Variants in CRB1 observed in about 807,000 individuals in gnomAD.
The protein encoded by CRB1 is crumbs cell polarity complex component 1.
CRB1 carries 83 observed loss-of-function variants against 120.0 expected under a neutral mutation model. The ratio of observed to expected loss-of-function variants is 0.69; its 90% confidence interval spans 0.58 to 0.83. The LOEUF (loss-of-function observed/expected upper bound fraction) is 0.83. Among genes scored for constraint, CRB1 ranks in the 40% least tolerant of loss-of-function variants. The pLI is 0.00. For missense variants in CRB1, 1,699 were observed against 1,687.6 expected (o/e 1.01, Z -0.12); for synonymous variants, 625 against 612.5 (o/e 1.02, Z -0.30).
intron 11 of CRB1, among the ~76,000 whole-genome samples, chr1:197,470,073 T>G (rs542894117): frequency 8.5e-5 from 13 of 152,310 alleles, no homozygotes; most frequent in Non-Finnish European, 5.9e-5. Context: ...AGAAGCTCTG[T>G]GTTGATAAAG....
At chr1:197,346,694 A>G (rs1188240698) in intron 3 of CRB1, among the ~76,000 whole-genome samples, 1 of 152,214 alleles carries the variant, frequency 6.6e-6, no homozygotes, top group Non-Finnish European at 1.5e-5. Context: ...TCTTAATAAA[A>G]TCAACAACTT....
chr1:197,446,265 G>T (rs2125520952), intron 11 of CRB1, among the ~76,000 whole-genome samples: 1 of 152,238 alleles, frequency 6.6e-6, no homozygotes, highest in African/African-American at 2.4e-5. Context: ...CTGTAAGGGA[G>T]CATATAAGAG....
the CRB1 span, among the ~76,000 whole-genome samples, chr1:197,223,736 G>T: frequency 6.6e-6 from 1 of 152,082 alleles, no homozygotes; most frequent in Non-Finnish European, 1.5e-5. Flanking sequence ...TTTTAACTTC[G>T]AATAGCCCTA....
At chr1:197,235,463 C>T in the CRB1 span, among the ~76,000 whole-genome samples, 1 of 152,136 alleles carries the variant, frequency 6.6e-6, no homozygotes, top group Non-Finnish European at 1.5e-5. Flanking sequence ...CTTTTGGAAT[C>T]CTGTGATTAC....
At chr1:197,307,852 T>G (rs750040498) in intron 1 of CRB1, among the ~76,000 whole-genome samples, 1 of 152,202 alleles carries the variant, frequency 6.6e-6, no homozygotes, top group Non-Finnish European at 1.5e-5. Context: ...CCCTGGTCCT[T>G]CCACTTACTA....
At chr1:197,355,200 C>G (rs1251861030) in intron 4 of CRB1, among the ~76,000 whole-genome samples, 4 of 151,960 alleles carry the variant, frequency 2.6e-5, no homozygotes, top group Non-Finnish European at 5.9e-5. Flanking sequence ...CAAGTCCCCA[C>G]CAGATTAGCT....
chr1:197,241,782 A>G, the CRB1 span, among the ~76,000 whole-genome samples: 5 of 151,344 alleles, frequency 3.3e-5, no homozygotes, highest in African/African-American at 1.2e-4. Flanking sequence ...ATTGCTTTGG[A>G]CAGTATGGCC....
chr1:197,201,910 G>C, the CRB1 span, among the ~76,000 whole-genome samples: 1 of 152,186 alleles, frequency 6.6e-6, no homozygotes, highest in Non-Finnish European at 1.5e-5. Flanking sequence ...TAAGCGTAAA[G>C]CTGGTAGGAC....
At chr1:197,265,879 C>G (rs767620918), upstream of CRB1, among the ~76,000 whole-genome samples, 2 of 152,152 alleles carry the variant, frequency 1.3e-5, no homozygotes, top group Non-Finnish European at 2.9e-5. Flanking sequence ...CTTTTCCAAA[C>G]ATTGCTACAT....
At chr1:197,366,529 C>T (rs59429607) in intron 5 of CRB1, among the ~76,000 whole-genome samples, 48 of 152,056 alleles carry the variant, frequency 3.2e-4, no homozygotes, top group South Asian at 1.0e-3. Context: ...GCATATGTAA[C>T]GTAATTTTTC....
chr1:197,218,255 T>C, the CRB1 span, among the ~76,000 whole-genome samples: 1 of 152,190 alleles, frequency 6.6e-6, no homozygotes, highest in Non-Finnish European at 1.5e-5. Flanking sequence ...ATTGATGTTG[T>C]GTCAGGAAGT....
the CRB1 span, among the ~76,000 whole-genome samples, chr1:197,224,690 AAT>A: frequency 6.6e-6 from 1 of 152,088 alleles, no homozygotes; most frequent in Non-Finnish European, 1.5e-5. Context: ...ATACTGCAAA[AAT>A]ATATACTAAT....
intron 1 of CRB1, among the ~76,000 whole-genome samples, chr1:197,297,391 G>A (rs1011420410): frequency 2.0e-5 from 3 of 152,050 alleles, no homozygotes; most frequent in Admixed American, 6.6e-5. Flanking sequence ...AGGAAAAGAT[G>A]AGGAAGGATC....
At chr1:197,467,519 AT>A (rs951440535) in intron 11 of CRB1, among the ~76,000 whole-genome samples, 1 of 152,158 alleles carries the variant, frequency 6.6e-6, no homozygotes, top group Non-Finnish European at 1.5e-5. Context: ...TCCCTTATAG[AT>A]TTTTTAAATC....
the CRB1 span, among the ~76,000 whole-genome samples, chr1:197,245,945 T>C: frequency 2.7e-4 from 41 of 152,082 alleles, no homozygotes; most frequent in Non-Finnish European, 4.4e-5. Flanking sequence ...AGTTGGGGTA[T>C]ATGTCCTCAC....
At chr1:197,385,440 T>C (rs1339897534) in intron 5 of CRB1, among the ~76,000 whole-genome samples, 1 of 152,100 alleles carries the variant, frequency 6.6e-6, no homozygotes, top group Non-Finnish European at 1.5e-5. Flanking sequence ...TGTAAGATAT[T>C]AAATTGTGGA....
chr1:197,282,133 A>T (rs1655557082), intron 1 of CRB1, among the ~76,000 whole-genome samples: 1 of 151,784 alleles, frequency 6.6e-6, no homozygotes, highest in Non-Finnish European at 1.5e-5. Flanking sequence ...CATTCCTTTT[A>T]AAAATAATTT....
chr1:197,226,477 G>T, the CRB1 span, among the ~76,000 whole-genome samples: 1 of 152,140 alleles, frequency 6.6e-6, no homozygotes, highest in Non-Finnish European at 1.5e-5. Flanking sequence ...TAACCAGGAA[G>T]ATACTTGTTT....
At chr1:197,259,208 G>A in the CRB1 span, among the ~76,000 whole-genome samples, 8 of 152,268 alleles carry the variant, frequency 5.3e-5, no homozygotes, top group African/African-American at 1.7e-4. Flanking sequence ...AAATCATTCT[G>A]TTTTAAAGAT....
Sources: allele counts gnomAD v4.1 joint callset (sites outside exome capture counted in the v4.1 genomes callset), GRCh38; gene constraint gnomAD v4.1.1; transcripts MANE v1.5; gene names NCBI Gene and HGNC (gene_info 2026-07-23, HGNC 2026-07-21).